Variants in GLI2 observed in about 807,000 individuals in gnomAD.
GLI2 encodes the protein GLI family zinc finger 2, also known as transcription activator GLI2.
In GLI2, 22 loss-of-function variants were observed where a neutral mutation model predicts 78.9. The ratio of observed to expected loss-of-function variants is 0.28; its 90% CI spans 0.20 to 0.40. GLI2 has a LOEUF of 0.40. Ranked by LOEUF, GLI2 falls within the 10% of genes least tolerant of loss-of-function variation. GLI2 has a pLI of 1.00. For synonymous variants in GLI2, 974 were observed against 963.7 expected (o/e 1.01, Z -0.20); for missense variants, 2,097 against 2,213.2 (o/e 0.95, Z 1.05).
At position 120,927,372 on chromosome 2, in the gene GLI2, C is replaced by G. The variant is rs781117793; in HGVS notation, c.160C>G (p.Leu54Val). 6.2e-7 allele frequency: 1 copy of G among 1,612,946 alleles called. No individual in the cohort carries two copies. The highest frequency in any genetic ancestry group is 1.3e-5 in the African/African-American group (1 of 75,040). ...AVAAQGVPQH[L>V]LPPFHAPLPI... ...CTCCCCCTCTGCAGTGCCGCAGCAT[C>G]TCTTGCCACCATTCCATGCGCCCCT... The change falls in exon 3 of 14, where the codon CTC (leucine) becomes GTC (valine). Residue 54 changes from leucine to valine, a missense_variant. This residue lies in a region of GLI2 where 578 missense variants were observed against 612.0 expected (regional missense o/e 0.94). Coordinates refer to ENST00000361492, the MANE Select transcript of GLI2 (RefSeq NM_001374353.1).
At chr2:120,874,377 A>C (rs1323568994) in intron 2 of GLI2, among the ~76,000 whole-genome samples, 2 of 152,244 alleles carry the variant, frequency 1.3e-5, no homozygotes. Flanking sequence ...ACCAGTAGTC[A>C]AAGTAGGATG....
chr2:120,812,014 A>G (rs536776285), intron 2 of GLI2, among the ~76,000 whole-genome samples: 44 of 152,254 alleles, frequency 2.9e-4, no homozygotes, highest in African/African-American at 1.0e-3. Flanking sequence ...TACCCAAATC[A>G]ATGACTGTGC....
At chr2:120,978,672 C>G in intron 10 of GLI2, 89 bp downstream of exon 10, 2 of 1,413,496 alleles carry the variant, frequency 1.4e-6, no homozygotes, top group Non-Finnish European at 2.0e-6. Context: ...TGGCTGGCCA[C>G]AGGCACACCT....
intron 3 of GLI2, among the ~76,000 whole-genome samples, chr2:120,932,113 T>A (rs1370393540): frequency 6.6e-6 from 1 of 152,168 alleles, no homozygotes; most frequent in East Asian, 1.9e-4. Flanking sequence ...CTGGCTTCCA[T>A]GATGAATGTG....
At chr2:120,759,193 G>A (rs115175240) in intron 1 of GLI2, among the ~76,000 whole-genome samples, 110 of 152,284 alleles carry the variant, frequency 7.2e-4, no homozygotes, top group African/African-American at 2.4e-3. Context: ...AATGTGTGGG[G>A]GTTTTTCTCC....
intron 1 of GLI2, among the ~76,000 whole-genome samples, chr2:120,788,845 G>C (rs1684067761): frequency 6.6e-6 from 1 of 152,082 alleles, no homozygotes; most frequent in Non-Finnish European, 1.5e-5. Context: ...AGGCCCCTGG[G>C]CTGCATCCCC....
intron 2 of GLI2, among the ~76,000 whole-genome samples, chr2:120,809,257 C>T (rs894080382): frequency 6.6e-5 from 10 of 152,036 alleles, no homozygotes; most frequent in South Asian, 4.2e-4. Context: ...AGAAAGAAGC[C>T]GGGCATAAAA....
chr2:120,870,807 T>A lies in GLI2; in HGVS notation c.149-56554T>A, dbSNP rs181820193. Among the ~76,000 whole-genome samples, 515 of 152,310 alleles carry A rather than the reference T, an allele frequency of 3.4e-3. 2 individuals carry two copies. Among genetic ancestry groups the A allele is most frequent in the African/African-American group, 0.012 (489 of 41,566 alleles). ...AGCCTCATCTTCCTCTTCTGTGATA[T>A]GAGAGACTCTTCCTGCAGAACCTGG... is the stretch of plus-strand genomic sequence containing the variant. On this transcript the variant is annotated intron_variant, in intron 2 of 13. Coordinates refer to ENST00000361492, the MANE Select transcript of GLI2 (RefSeq NM_001374353.1).
At chr2:120,816,649 T>A (rs1222931417) in intron 2 of GLI2, among the ~76,000 whole-genome samples, 2 of 149,992 alleles carry the variant, frequency 1.3e-5, no homozygotes, top group Non-Finnish European at 1.5e-5. Flanking sequence ...TCTCCAAAAT[T>A]AAAAAAAAAA....
intron 1 of GLI2, among the ~76,000 whole-genome samples, chr2:120,745,184 A>G (rs1181046050): frequency 6.6e-6 from 1 of 152,146 alleles, no homozygotes; most frequent in Admixed American, 6.5e-5. Context: ...ACAAGAGAGT[A>G]TATTAAGTTA....
chr2:120,857,600 A>T (rs1433887787), intron 2 of GLI2, among the ~76,000 whole-genome samples: 2 of 146,802 alleles, frequency 1.4e-5, no homozygotes, highest in African/African-American at 5.0e-5. Flanking sequence ...GATCCACCTC[A>T]CCCAAACACC....
At chr2:120,745,099 T>C (rs920508029) in intron 1 of GLI2, among the ~76,000 whole-genome samples, 1 of 152,204 alleles carries the variant, frequency 6.6e-6, no homozygotes, top group African/African-American at 2.4e-5. Flanking sequence ...GAGCAGGGTC[T>C]CTCTTTCACA....
At chr2:120,798,225 G>A (rs374591865) in intron 2 of GLI2, among the ~76,000 whole-genome samples, 1 of 152,382 alleles carries the variant, frequency 6.6e-6, no homozygotes, top group East Asian at 1.9e-4. Context: ...CAGAGAGCAG[G>A]CAGGGAAGAG....
In GLI2 at chr2:120,879,520, G is replaced by A. The variant is rs563456349; in HGVS notation, c.149-47841G>A. On this transcript the variant is annotated intron_variant, in intron 2 of 13. Transcript: ENST00000361492. ...TAGTTCCTCACCCGTGCGTGGGGAG[G>A]CAGCATGAGCAGTTAGGAGGAGGAT... Among the ~76,000 whole-genome samples the A allele has an allele frequency of 7.2e-5, 11 of 152,282 alleles. No individual in the cohort carries two copies. The South Asian group carries it at 2.1e-3, about 29-fold the overall frequency.
intron 2 of GLI2, among the ~76,000 whole-genome samples, chr2:120,816,062 C>G (rs1333621691): frequency 6.6e-6 from 1 of 152,208 alleles, no homozygotes; most frequent in African/African-American, 2.4e-5. Context: ...TGGCTCCAAC[C>G]CTCTTTGCCC....
chr2:120,884,603 T>C (rs1366784965), intron 2 of GLI2, among the ~76,000 whole-genome samples: 3 of 152,162 alleles, frequency 2.0e-5, no homozygotes, highest in African/African-American at 7.2e-5. Context: ...GTGTGCAGGC[T>C]GTGAGGTGTC....
At chr2:120,980,455 C>A (rs576192465) in intron 10 of GLI2, among the ~76,000 whole-genome samples, 4 of 152,270 alleles carry the variant, frequency 2.6e-5, no homozygotes, top group South Asian at 2.1e-4. Context: ...AACTGTCTAC[C>A]CAAATATTGC....
chr2:120,887,732 T>C (rs1677481951), intron 2 of GLI2, among the ~76,000 whole-genome samples: 1 of 152,218 alleles, frequency 6.6e-6, no homozygotes, highest in Non-Finnish European at 1.5e-5. Context: ...ATTCACTTGA[T>C]GGATTGTCAG....
intron 1 of GLI2, among the ~76,000 whole-genome samples, chr2:120,775,952 C>T (rs919323039): frequency 3.3e-5 from 5 of 152,268 alleles, no homozygotes; most frequent in Admixed American, 3.3e-4. Flanking sequence ...GGACCCCAGG[C>T]CTCCTCTAAC....
Sources: gnomAD v4.1 joint callset for allele counts (sites outside exome capture counted in the v4.1 genomes callset) on GRCh38, gnomAD v4.1.1 for gene constraint, gnomAD v4.1.1 regional missense constraint, MANE v1.5 for transcripts, NCBI Gene and HGNC (gene_info 2026-07-23, HGNC 2026-07-21) for gene names.